Variants in NUP98 observed in about 807,000 individuals in gnomAD.
The protein encoded by NUP98 is nucleoporin 98 and 96 precursor.
NUP98 carries 26 observed loss-of-function variants against 191.9 expected under a neutral mutation model. The observed-to-expected ratio is 0.14, with a 90% CI of 0.10 to 0.19. NUP98 has a LOEUF of 0.19. Among genes scored for constraint, NUP98 ranks in the 10% least tolerant of loss-of-function variants. The pLI is 1.00. For synonymous variants in NUP98, 808 were observed against 778.4 expected (o/e 1.04, Z -0.63); for missense variants, 1,941 against 2,178.8 (o/e 0.89, Z 2.17).
chr11:3,778,215 A>AG lies in NUP98; in HGVS notation c.355+657_355+658insC, dbSNP rs781302057. Among the ~76,000 whole-genome samples the AG allele has an allele frequency of 8.1e-3, 1,219 of 150,576 alleles. 6 individuals carry two copies. The highest frequency in any genetic ancestry group is 0.014 in the Non-Finnish European group (980 of 67,796). On this transcript the variant is annotated intron_variant, in intron 4 of 32. Coordinates refer to ENST00000324932, the MANE Select transcript of NUP98 (RefSeq NM_016320.5). ...CTCCATCTCAAAAAAAAAAAAAAAA[A>AG]AAAAAGAAAGAAAGAAAATACTGAT...
At chr11:3,693,097 G>C in intron 27 of NUP98, 135 bp downstream of exon 27, 4 of 800,516 alleles carry the variant, frequency 5.0e-6, no homozygotes, top group Middle Eastern at 7.2e-4. Context: ...AATAAAAACA[G>C]ACACTTGGGG....
At chr11:3,710,397 T>C (rs2078995586) in intron 20 of NUP98, among the ~76,000 whole-genome samples, 1 of 152,200 alleles carries the variant, frequency 6.6e-6, no homozygotes, top group South Asian at 2.1e-4. Flanking sequence ...TTAGATTTAC[T>C]TGCTTTTTTT....
intron 28 of NUP98, among the ~76,000 whole-genome samples, chr11:3,690,247 C>A (rs1333644406): frequency 6.6e-6 from 1 of 151,168 alleles, no homozygotes; most frequent in African/African-American, 2.4e-5. Flanking sequence ...GCCACCGCGC[C>A]TGGCTGTCTG....
chr11:3,727,711 A>C (rs1469627894), intron 14 of NUP98, among the ~76,000 whole-genome samples: 1 of 152,098 alleles, frequency 6.6e-6, no homozygotes, highest in Non-Finnish European at 1.5e-5. Context: ...TAAAGTAGGA[A>C]CACGACTCTA....
At chr11:3,740,419 G>C (rs2080238527) in intron 12 of NUP98, among the ~76,000 whole-genome samples, 1 of 151,758 alleles carries the variant, frequency 6.6e-6, no homozygotes, top group Non-Finnish European at 1.5e-5. Context: ...GCTGAGGAAA[G>C]AGAATCACTT....
chr11:3,753,267 G>C (rs753391904), intron 11 of NUP98, 49 bp downstream of exon 11: 3 of 1,432,786 alleles, frequency 2.1e-6, no homozygotes, highest in Admixed American at 3.4e-5. Context: ...CCAGAAACTA[G>C]AAAGTCAAGC....
chr11:3,700,921 C>G, intron 23 of NUP98, 82 bp from the exon 24 acceptor site: 1 of 903,686 alleles, frequency 1.1e-6, no homozygotes, highest in Non-Finnish European at 1.7e-6. Flanking sequence ...ACCACTGTTT[C>G]TTTTTATGAT....
At position 3,720,832 on chromosome 11, in the gene NUP98, C is replaced by CAAAAAAAAAAAAAAA. The variant is rs55821497; in HGVS notation, c.2147-22_2147-8dup. ...ACCTTAGTGAGAATAATACCTGTGA[C>CAAAAAAAAAAAAAAA]AAAAAAAAAAAAAAAAACAGAAAAA... On this transcript the variant is annotated splice_polypyrimidine_tract_variant and splice_region_variant and intron_variant, in intron 16 of 32. Coordinates refer to ENST00000324932, the MANE Select transcript of NUP98 (RefSeq NM_016320.5). The CAAAAAAAAAAAAAAA allele has an allele frequency of 4.0e-5, 15 of 376,176 alleles. No homozygotes were observed. Among genetic ancestry groups the CAAAAAAAAAAAAAAA allele is most frequent in the South Asian group, 1.8e-4 (4 of 22,186 alleles). The allele number at this position is 376,176 out of a possible 1,614,324, so 23.3% of individuals were successfully genotyped here. A position where few individuals can be genotyped will look rare whatever the true frequency, so the allele number is the denominator to read the frequency against.
intron 5 of NUP98, among the ~76,000 whole-genome samples, chr11:3,775,176 G>A (rs276885): frequency 0.018 from 2,766 of 152,010 alleles, 94 homozygotes; most frequent in African/African-American, 0.063. Context: ...GTATTTTTCA[G>A]TGGGTACAGA....
intron 23 of NUP98, among the ~76,000 whole-genome samples, chr11:3,701,747 G>A (rs547752460): frequency 8.0e-4 from 120 of 150,260 alleles, no homozygotes; most frequent in African/African-American, 2.6e-3. Context: ...GTGCAATGGC[G>A]CGATCTCAGC....
At chr11:3,686,913 G>A (rs1022082206) in intron 28 of NUP98, among the ~76,000 whole-genome samples, 3 of 152,130 alleles carry the variant, frequency 2.0e-5, no homozygotes, top group African/African-American at 7.2e-5. Flanking sequence ...CTGGAACCCA[G>A]GAGGCGGAGG....
chr11:3,750,484 G>C (rs897280457), intron 11 of NUP98, among the ~76,000 whole-genome samples: 5 of 152,130 alleles, frequency 3.3e-5, no homozygotes, highest in African/African-American at 1.2e-4. Flanking sequence ...ACAAGTCACA[G>C]AACACTATGT....
At chr11:3,680,298 C>T (rs1046721248) in intron 30 of NUP98, among the ~76,000 whole-genome samples, 1 of 152,182 alleles carries the variant, frequency 6.6e-6, no homozygotes, top group African/African-American at 2.4e-5. Context: ...GAGTAGATTC[C>T]ATCTCAAGAA....
intron 12 of NUP98, among the ~76,000 whole-genome samples, chr11:3,742,110 T>C (rs2080305286): frequency 1.3e-5 from 2 of 152,310 alleles, no homozygotes. Context: ...GAGTCCACAC[T>C]GCTGCAGGAG....
At chr11:3,686,318 T>C in intron 28 of NUP98, 124 bp from the exon 29 acceptor site, 1 of 766,840 alleles carries the variant, frequency 1.3e-6, no homozygotes, top group Non-Finnish European at 2.1e-6. Context: ...ATAGGCCTTC[T>C]CTCCCTCTGA....
chr11:3,729,715 C>CAA (rs755816362), intron 14 of NUP98, among the ~76,000 whole-genome samples: 446 of 37,394 alleles, frequency 0.012, 33 homozygotes, highest in Middle Eastern at 0.032. Context: ...ACTCTTGCCT[C>CAA]AAAAAAAAAA....
At chr11:3,751,817 C>G (rs1467437505) in intron 11 of NUP98, among the ~76,000 whole-genome samples, 2 of 152,102 alleles carry the variant, frequency 1.3e-5, no homozygotes, top group Admixed American at 1.3e-4. Context: ...TGTGATCATG[C>G]CAATGCACTC....
At chr11:3,755,580 T>C (rs1374303735) in intron 10 of NUP98, among the ~76,000 whole-genome samples, 2 of 152,308 alleles carry the variant, frequency 1.3e-5, no homozygotes, top group African/African-American at 4.8e-5. Context: ...GTTGTGCCAG[T>C]ATTTGGATTA....
Position 3,762,920 on chromosome 11 carries a change from T to C in NUP98, c.1068A>G (p.Gly356=). ...GTGLFGQTNT[G]FGAVGSTLFG... is the part of the protein sequence containing the mutation. The stretch of plus-strand genomic sequence containing the variant: ...AACCTACCGAACCAACAGCACCAAA[T>C]CCAGTATTGGTCTGCCCAAAGAGAC... The change falls in exon 9 of 33, where the codon GGA becomes GGG. Residue 356 remains glycine (G), a synonymous_variant. Transcript: ENST00000324932. The C allele has an allele frequency of 6.2e-7, 1 of 1,614,000 alleles. No individual in the cohort carries two copies. Among genetic ancestry groups the C allele is most frequent in the South Asian group, 1.1e-5 (1 of 91,054 alleles).
Sources: gnomAD v4.1 joint callset for allele counts (sites outside exome capture counted in the v4.1 genomes callset) on GRCh38, gnomAD v4.1.1 for gene constraint, MANE v1.5 for transcripts, NCBI Gene and HGNC (gene_info 2026-07-23, HGNC 2026-07-21) for gene names.